The following NOP53 variants were observed in gnomAD, a reference collection of about 807,000 sequenced individuals.
The protein encoded by NOP53 is ribosome biogenesis protein NOP53.
Under a neutral mutation model 61.0 loss-of-function variants are expected in NOP53, and 40 were observed. The ratio of observed to expected loss-of-function variants is 0.66; its 90% confidence interval spans 0.51 to 0.85. The LOEUF is 0.85. NOP53 is among the 40% of genes least tolerant of loss of function. The pLI, the probability that NOP53 is intolerant of heterozygous loss-of-function variation, is 0.00. For synonymous variants in NOP53, 308 were observed against 289.5 expected (o/e 1.06, Z -0.65); for missense variants, 689 against 652.9 (o/e 1.06, Z -0.60).
chr19:47,755,925 G>C lies in NOP53; in HGVS notation c.1296+103G>C, dbSNP rs750074168. 2.1e-5 allele frequency: 21 copies of C among 981,152 alleles called. No homozygotes were observed. In the South Asian group the frequency reaches 2.9e-4, roughly 14 times the overall value. The allele number at this position is 981,152 out of a possible 1,614,324, so 60.8% of individuals were successfully genotyped here. A position where few individuals can be genotyped will look rare whatever the true frequency, so the allele number is the denominator to read the frequency against. On this transcript the variant is annotated intron_variant, in intron 10 of 12. Transcript: ENST00000246802. ...TGGGCGACACCATGGCTGCCCCTGGGCTGGGCCAGTGGGGCCAATGCCCAG... is the reference window on the plus strand; with the variant it reads ...TGGGCGACACCATGGCTGCCCCTGGCCTGGGCCAGTGGGGCCAATGCCCAG...
At chr19:47,755,675 T>C (rs951299823) in intron 9 of NOP53, 81 bp from the exon 10 acceptor site, 24 of 1,403,480 alleles carry the variant, frequency 1.7e-5, no homozygotes, top group Non-Finnish European at 2.3e-5. Context: ...AGAGGCCCCT[T>C]CTTCTCCAGG....
At chr19:47,756,493 C>T (rs1967201281) in intron 10 of NOP53, 35 bp from the exon 11 acceptor site, 5 of 1,571,256 alleles carry the variant, frequency 3.2e-6, no homozygotes, top group Non-Finnish European at 4.4e-6. Flanking sequence ...GGGCTTCTGC[C>T]AGGCCCTGCT....
At chr19:47,751,269 A>T in intron 4 of NOP53, 162 bp downstream of exon 4, 1 of 709,196 alleles carries the variant, frequency 1.4e-6, no homozygotes, top group Non-Finnish European at 2.4e-6. Context: ...GCCGTTTCCC[A>T]CTCGTGCTTT....
At chr19:47,745,841 A>G (rs1359402752) in intron 1 of NOP53, 58 bp downstream of exon 1, 13 of 794,850 alleles carry the variant, frequency 1.6e-5, no homozygotes, top group Non-Finnish European at 2.1e-5. Context: ...GTGCAAGGCC[A>G]GGCGTGCTTG....
At chr19:47,751,248 C>T in intron 4 of NOP53, 141 bp downstream of exon 4, 2 of 796,474 alleles carry the variant, frequency 2.5e-6, no homozygotes, top group South Asian at 3.2e-5. Flanking sequence ...GTCGTGCGTC[C>T]TGAAGGGGCG....
Position 47,754,156 on chromosome 19 carries a change from A to C in NOP53, c.766-371A>C. ...GCCGGGTATGGTGGCACATGCCTGT[A>C]ATAGTAGCTACTCGGGAGGCTGAGG... is the stretch of plus-strand genomic sequence containing the variant. On this transcript the variant is annotated intron_variant, in intron 6 of 12. Transcript: ENST00000246802. This position sits in a 1 kb window ranked among gnomAD's most constrained non-coding sequence, Gnocchi z 4.2. The C allele has an allele frequency of 5.0e-6, 1 of 198,876 alleles. No homozygotes were observed. The highest frequency in any genetic ancestry group is 1.0e-5 in the Non-Finnish European group (1 of 97,222). The allele number at this position is 198,876 out of a possible 1,614,324, so 12.3% of individuals were successfully genotyped here.
rs541246368 is a variant in NOP53 at position 47,750,993 on chromosome 19, C to A, written c.484C>A (p.Pro162Thr). The A allele has an allele frequency of 6.3e-7, 1 of 1,595,578 alleles. No homozygotes were observed. Among genetic ancestry groups the A allele is most frequent in the Non-Finnish European group, 8.5e-7 (1 of 1,172,152 alleles). The change falls in exon 4 of 13, where the codon CCC becomes ACC. Residue 162 changes from proline (P) to threonine (T), a missense_variant. By Grantham distance (38) the Pro-to-Thr change is conservative. Transcript: ENST00000246802. Reference sequence around the variant, plus strand: ...GAAGCTGGCCAAGCAGGGCGAGCTGCCCCGGGAGGTGCGCAGGGCCCAGGC... The same window carrying A: ...GAAGCTGGCCAAGCAGGGCGAGCTGACCCGGGAGGTGCGCAGGGCCCAGGC... ...WEKLAKQGEL[P>T]REVRRAQARL...
Position 47,745,744 on chromosome 19 carries a change from A to G in NOP53, c.185A>G (p.Gln62Arg). The G allele has an allele frequency of 6.3e-7, 1 of 1,595,572 alleles. No homozygotes were observed. Among genetic ancestry groups the G allele is most frequent in the South Asian group, 1.1e-5 (1 of 90,004 alleles). Residue 62 changes from glutamine to arginine, a missense_variant, in exon 1 of 13, where the codon CAG becomes CGG. Gln to Arg is a conservative substitution (Grantham distance 43). Transcript: ENST00000246802. ...AQEPLGLEVD[Q>R]FLEDVRLQER... ...GAGCCGCTGGGGCTGGAGGTTGACC[A>G]GTTCCTGGAAGACGTGCGGCTACAG...
rs776466959 is a variant in NOP53 at position 47,750,222 on chromosome 19, C to T, written c.334C>T (p.Leu112Phe). The change falls in exon 3 of 13, where the codon CTC (leucine) becomes TTC (phenylalanine). Residue 112 changes from leucine (L) to phenylalanine (F), a missense_variant. Coordinates refer to ENST00000246802, the MANE Select transcript of NOP53 (RefSeq NM_015710.5). Reference protein sequence around the residue: ...RTKVQKKSLLLKKPLRVDLIL... With the variant: ...RTKVQKKSLLFKKPLRVDLIL... ...CAAAGTCCAGAAGAAGTCACTGCTTCTCAAGAAACCCCTTCGGGTTGACCT... is the reference window on the plus strand; with the variant it reads ...CAAAGTCCAGAAGAAGTCACTGCTTTTCAAGAAACCCCTTCGGGTTGACCT... 1.2e-6 allele frequency: 2 copies of T among 1,613,366 alleles called. No homozygotes were observed. The highest frequency in any genetic ancestry group is 1.7e-6 in the Non-Finnish European group (2 of 1,179,312).
chr19:47,752,462 C>T (rs1334056743), intron 5 of NOP53, 50 bp from the exon 6 acceptor site: 8 of 1,164,606 alleles, frequency 6.9e-6, no homozygotes, highest in African/African-American at 1.5e-5. Context: ...TCCTGGGTCA[C>T]CCGCAGCCCC....
chr19:47,754,295 C>T lies in NOP53; in HGVS notation c.766-232C>T, dbSNP rs941440961. On this transcript the variant is annotated intron_variant, in intron 6 of 12. Coordinates refer to ENST00000246802, the MANE Select transcript of NOP53 (RefSeq NM_015710.5). The surrounding 1 kb of genome is among the most constrained non-coding windows in gnomAD (Gnocchi z 4.2). ...TCTATCTCAAAAAAAAAATGTGAAG[C>T]GTGCAGGTCAGACTGCCTTCACAGA... 9 of 490,378 alleles carry T rather than the reference C, an allele frequency of 1.8e-5. No homozygotes were observed. Among genetic ancestry groups the T allele is most frequent in the South Asian group, 7.4e-5 (2 of 27,172 alleles). The allele number at this position is 490,378 out of a possible 1,614,324, so 30.4% of individuals were successfully genotyped here. A position where few individuals can be genotyped will look rare whatever the true frequency, so the allele number is the denominator to read the frequency against.
At chr19:47,745,842 G>A (rs1285020966) in intron 1 of NOP53, 59 bp downstream of exon 1, 3 of 880,240 alleles carry the variant, frequency 3.4e-6, no homozygotes, top group East Asian at 6.7e-5. Flanking sequence ...TGCAAGGCCA[G>A]GCGTGCTTGC....
At chr19:47,752,857 G>T in intron 6 of NOP53, 1 of 488,962 alleles carries the variant, frequency 2.0e-6, no homozygotes. Context: ...AGGAGGGGTC[G>T]CCTGAGCCGA....
intron 10 of NOP53, chr19:47,756,128 G>C: frequency 1.9e-6 from 1 of 515,604 alleles, no homozygotes; most frequent in Non-Finnish European, 3.5e-6. Context: ...TCCCCTGCTC[G>C]GAACCTGCTG....
In NOP53 at chr19:47,754,812, G is replaced by A; in HGVS notation, c.974G>A (p.Cys325Tyr). The A allele has an allele frequency of 6.5e-7, 1 of 1,534,644 alleles. No homozygotes were observed. The highest frequency in any genetic ancestry group is 8.7e-7 in the Non-Finnish European group (1 of 1,146,186). The change falls in exon 8 of 13, where the codon TGT becomes TAT. Residue 325 changes from cysteine to tyrosine, a missense_variant. By Grantham distance (194) the Cys-to-Tyr change is radical. Coordinates refer to ENST00000246802, the MANE Select transcript of NOP53 (RefSeq NM_015710.5). The surrounding 1 kb of genome is among the most constrained non-coding windows in gnomAD (Gnocchi z 4.2). The stretch of plus-strand genomic sequence containing the variant: ...CCGGAGGCTGGGGATGCCGAGGTCT[G>A]TCCCACGCCCGCCCGCCTGGCCACC... ...EGPEAGDAEV[C>Y]PTPARLATTE...
rs772758737 is a variant in NOP53, at chr19:47,755,456, C to T, written c.1162C>T (p.Arg388Trp). 643 of 1,505,624 alleles carry T rather than the reference C, an allele frequency of 4.3e-4. 1 individual carries two copies. Among genetic ancestry groups the T allele is most frequent in the Non-Finnish European group, 5.4e-4 (610 of 1,130,890 alleles). 93.3% of individuals were successfully genotyped at this position (1,505,624 alleles called of 1,614,324 possible). A position where few individuals can be genotyped will look rare whatever the true frequency, so the allele number is the denominator to read the frequency against. Residue 388 changes from arginine (R) to tryptophan (W), a missense_variant, in exon 9 of 13, where the codon CGG (arginine) becomes TGG (tryptophan). Arg to Trp is a moderately radical substitution (Grantham distance 101). Transcript: ENST00000246802. ...VALRLAELAR[R>W]QRRRQARREA... ...CCTGAGGCTGGCGGAGCTGGCGCGG[C>T]GGCAGAGGCGGCGGCAGGCGCGGCG...
At chr19:47,749,537 G>T (rs186795219) in intron 2 of NOP53, among the ~76,000 whole-genome samples, 216 of 152,276 alleles carry the variant, frequency 1.4e-3, no homozygotes, top group African/African-American at 4.9e-3. Context: ...CCATGCAAGG[G>T]TGTTATTCCA....
intron 1 of NOP53, chr19:47,746,075 C>T (rs961109009): frequency 4.4e-6 from 2 of 449,856 alleles, no homozygotes; most frequent in African/African-American, 2.0e-5. Context: ...CATGCATCCA[C>T]CTTAGCTTGC....
rs571580106 is a variant in NOP53, at chr19:47,754,458, G to A, written c.766-69G>A. 4 of 1,195,250 alleles carry A rather than the reference G, an allele frequency of 3.3e-6. No individual in the cohort carries two copies. Among genetic ancestry groups the A allele is most frequent in the Non-Finnish European group, 4.8e-6 (4 of 829,640 alleles). 74.0% of individuals were successfully genotyped at this position (1,195,250 alleles called of 1,614,324 possible). A position where few individuals can be genotyped will look rare whatever the true frequency, so the allele number is the denominator to read the frequency against. On this transcript the variant is annotated intron_variant, in intron 6 of 12. Coordinates refer to ENST00000246802, the MANE Select transcript of NOP53 (RefSeq NM_015710.5). This position sits in a 1 kb window ranked among gnomAD's most constrained non-coding sequence, Gnocchi z 4.2. ...CGGGCACTGGATGAGGGACAGATGG[G>A]AGGTAAGAGGGTCTAGTCTCAGTGT...
Sources: allele counts gnomAD v4.1 joint callset (sites outside exome capture counted in the v4.1 genomes callset), GRCh38; gene constraint gnomAD v4.1.1; non-coding constraint Gnocchi (gnomAD v3.1); transcripts MANE v1.5; gene names NCBI Gene and HGNC (gene_info 2026-07-23, HGNC 2026-07-21).